Variants in SNRPD2 observed in about 807,000 individuals in gnomAD.
SNRPD2 encodes small nuclear ribonucleoprotein D2 polypeptide, also known as small nuclear ribonucleoprotein Sm D2.
Under a neutral mutation model 11.5 loss-of-function variants are expected in SNRPD2, and 1 was observed. The observed-to-expected ratio is 0.09, with a 90% confidence interval of 0.03 to 0.41. The LOEUF (loss-of-function observed/expected upper bound fraction) is 0.41, where lower values mean the gene tolerates loss of function less well. Among genes scored for constraint, SNRPD2 ranks in the 10% least tolerant of loss-of-function variants. SNRPD2 has a pLI of 0.98. For synonymous variants in SNRPD2, 63 were observed against 61.5 expected (o/e 1.02, Z -0.12); for missense variants, 77 against 154.9 (o/e 0.50, Z 2.67).
Position 45,691,947 on chromosome 19 carries a change from GA to G in SNRPD2, c.-60del, listed in dbSNP as rs1024008479. ...CCTCCGCGTTGCTGCTGCCTGAGGAGAGAGAGGCGGGACTTCCTCTTCCTGC... is the reference window on the plus strand; with the variant it reads ...CCTCCGCGTTGCTGCTGCCTGAGGAGGAGAGGCGGGACTTCCTCTTCCTGC... On this transcript the variant is annotated 5_prime_UTR_variant, in exon 1 of 3. Transcript: ENST00000342669. 339 of 1,613,914 alleles carry G rather than the reference GA, an allele frequency of 2.1e-4. 1 individual carries two copies. Among genetic ancestry groups the G allele is most frequent in the Admixed American group, 9.3e-4 (56 of 60,012 alleles).
rs889098547 is a variant in SNRPD2 at position 45,688,349 on chromosome 19, A to C, written c.182+38T>G. 12 of 1,594,746 alleles carry C rather than the reference A, an allele frequency of 7.5e-6. No homozygotes were observed. Among genetic ancestry groups the C allele is most frequent in the Middle Eastern group, 1.7e-4 (1 of 6,044 alleles). On this transcript the variant is annotated intron_variant, in intron 2 of 2. Transcript: ENST00000342669. This position sits in a 1 kb window ranked among gnomAD's most constrained non-coding sequence, Gnocchi z 4.1. ...AGACTGGAGCTGGAGTGGCCTCTCC[A>C]GGCCTGCGGAGAACACCTCCCAGGA...
At chr19:45,692,059 C>T (rs564342169), upstream of SNRPD2, 88 of 1,550,802 alleles carry the variant, frequency 5.7e-5, no homozygotes, top group African/African-American at 1.1e-3. Context: ...CAACGGTGCA[C>T]AATGATGGAA....
chr19:45,689,604 G>A (rs548187585), intron 1 of SNRPD2, among the ~76,000 whole-genome samples: 5 of 151,994 alleles, frequency 3.3e-5, no homozygotes, highest in African/African-American at 9.7e-5. Context: ...TCAGCTACTC[G>A]GGAGGTTAAA....
Position 45,687,887 on chromosome 19 carries a change from T to TAG in SNRPD2, c.183-162_183-161dup. The TAG allele has an allele frequency of 1.6e-6, 1 of 625,262 alleles. No individual in the cohort carries two copies. The highest frequency in any genetic ancestry group is 1.9e-5 in the South Asian group (1 of 53,054). The allele number at this position is 625,262 out of a possible 1,614,324, so 38.7% of individuals were successfully genotyped here. A position where few individuals can be genotyped will look rare whatever the true frequency, so the allele number is the denominator to read the frequency against. On this transcript the variant is annotated intron_variant, in intron 2 of 2. Coordinates refer to ENST00000342669, the MANE Select transcript of SNRPD2 (RefSeq NM_001384647.1). The surrounding 1 kb of genome is among the most constrained non-coding windows in gnomAD (Gnocchi z 4.1). ...CTGCCAAAGCAACTCTGCCAGTCCTTAGGTTGAGGCTGAGGCAAAGGACTG... is the reference window on the plus strand; with the variant it reads ...CTGCCAAAGCAACTCTGCCAGTCCTTAGAGGTTGAGGCTGAGGCAAAGGACTG...
At position 45,687,750 on chromosome 19, in the gene SNRPD2, G is replaced by C. The variant is rs77837925; in HGVS notation, c.183-23C>G. ...TGCCTGGTGGGGAACAGGGAGGGGAGGCACTGGGCGTGAGGGGCGTGCCTC... is the reference window on the plus strand; with the variant it reads ...TGCCTGGTGGGGAACAGGGAGGGGACGCACTGGGCGTGAGGGGCGTGCCTC... On this transcript the variant is annotated intron_variant, in intron 2 of 2. Transcript: ENST00000342669. This position sits in a 1 kb window ranked among gnomAD's most constrained non-coding sequence, Gnocchi z 4.1. The C allele has an allele frequency of 4.4e-3, 7,127 of 1,606,032 alleles. 305 individuals carry two copies. The African/African-American group carries it at 0.085, about 19-fold the overall frequency.
At chr19:45,691,851 C>T (rs908399354) in intron 1 of SNRPD2, 36 bp downstream of exon 1, 1 of 1,613,488 alleles carries the variant, frequency 6.2e-7, no homozygotes, top group Non-Finnish European at 8.5e-7. Context: ...CCACCCTCAA[C>T]CTCATTCCCG....
chr19:45,689,013 G>A lies in SNRPD2; in HGVS notation c.3-447C>T, dbSNP rs117084947. On this transcript the variant is annotated intron_variant, in intron 1 of 2. Coordinates refer to ENST00000342669, the MANE Select transcript of SNRPD2 (RefSeq NM_001384647.1). Reference sequence around the variant, plus strand: ...CTCCCAAAGTGCTGAGATTATAGGCGTGAGCCACCGTGCCCAGCCAGACAT... The same window carrying A: ...CTCCCAAAGTGCTGAGATTATAGGCATGAGCCACCGTGCCCAGCCAGACAT... Among the ~76,000 whole-genome samples the A allele has an allele frequency of 4.6e-4, 70 of 152,220 alleles. 1 individual carries two copies. The East Asian group carries it at 0.013, about 28-fold the overall frequency.
intron 1 of SNRPD2, among the ~76,000 whole-genome samples, chr19:45,689,627 C>G (rs1967487971): frequency 6.6e-6 from 1 of 152,222 alleles, no homozygotes; most frequent in Non-Finnish European, 1.5e-5. Flanking sequence ...AGAAGAATTG[C>G]TTGAACTCAG....
At position 45,687,579 on chromosome 19, in the gene SNRPD2, G is replaced by A; in HGVS notation, c.331C>T (p.Arg111Trp). 6 of 1,614,196 alleles carry A rather than the reference G, an allele frequency of 3.7e-6. No individual in the cohort carries two copies. Among genetic ancestry groups the A allele is most frequent in the African/African-American group, 1.3e-5 (1 of 75,060 alleles). Residue 111 changes from arginine (R) to tryptophan (W), a missense_variant, in exon 3 of 3, where the codon CGG becomes TGG. Arg to Trp is a moderately radical substitution (Grantham distance 101). Coordinates refer to ENST00000342669, the MANE Select transcript of SNRPD2 (RefSeq NM_001384647.1). This position sits in a 1 kb window ranked among gnomAD's most constrained non-coding sequence, Gnocchi z 4.1. ...LRGDSVIVVL[R>W]NPLIAGK The stretch of plus-strand genomic sequence containing the variant: ...TACTTGCCGGCGATGAGCGGGTTCC[G>A]CAGGACCACGATGACTGAGTCCCCG...
intron 1 of SNRPD2, chr19:45,691,622 T>C (rs1252372670): frequency 7.8e-6 from 4 of 511,734 alleles, no homozygotes; most frequent in Non-Finnish European, 1.1e-5. Context: ...TGCTCCGCCT[T>C]GGCCTACTAA....
In SNRPD2 at chr19:45,688,299, T is replaced by G; in HGVS notation, c.182+88A>C. The G allele has an allele frequency of 3.3e-6, 4 of 1,209,728 alleles. No homozygotes were observed. The highest frequency in any genetic ancestry group is 4.8e-6 in the Non-Finnish European group (4 of 839,992). 74.9% of individuals were successfully genotyped at this position (1,209,728 alleles called of 1,614,324 possible). On this transcript the variant is annotated intron_variant, in intron 2 of 2. Transcript: ENST00000342669. The surrounding 1 kb of genome is among the most constrained non-coding windows in gnomAD (Gnocchi z 4.1). The stretch of plus-strand genomic sequence containing the variant: ...CGCCTGGCCATACACCCCAGGCTTC[T>G]GAGACAGCTGTCTTTGAGCTCTTCA...
At chr19:45,689,194 C>T (rs1967479431) in intron 1 of SNRPD2, 3 of 519,966 alleles carry the variant, frequency 5.8e-6, no homozygotes, top group Middle Eastern at 3.2e-4. Context: ...TTTTCCCTCA[C>T]ATCCTACATG....
chr19:45,688,636 G>T lies in SNRPD2; in HGVS notation c.3-70C>A. ...TGAGAGGCTGGAGCTGTGAGGATGG[G>T]TGATCAGGGCCTTGGCTTCAGTGTC... is the stretch of plus-strand genomic sequence containing the variant. On this transcript the variant is annotated intron_variant, in intron 1 of 2. Transcript: ENST00000342669. This position sits in a 1 kb window ranked among gnomAD's most constrained non-coding sequence, Gnocchi z 4.1. 1 of 1,236,256 alleles carries T rather than the reference G, an allele frequency of 8.1e-7. No homozygotes were observed. Among genetic ancestry groups the T allele is most frequent in the Non-Finnish European group, 1.2e-6 (1 of 844,962 alleles). 76.6% of individuals were successfully genotyped at this position (1,236,256 alleles called of 1,614,324 possible). A position where few individuals can be genotyped will look rare whatever the true frequency, so the allele number is the denominator to read the frequency against.
In SNRPD2 at chr19:45,691,876, C is replaced by A. The variant is rs1433707089; in HGVS notation, c.2+11G>T. 2.5e-6 allele frequency: 4 copies of A among 1,614,016 alleles called. No individual in the cohort carries two copies. Among genetic ancestry groups the A allele is most frequent in the Non-Finnish European group, 3.4e-6 (4 of 1,179,998 alleles). ...CCTCATTCCCGCCGCCTAAGCCTAG[C>A]CCGGCCTCACATGATGGTCACTACG... On this transcript the variant is annotated intron_variant, in intron 1 of 2. Coordinates refer to ENST00000342669, the MANE Select transcript of SNRPD2 (RefSeq NM_001384647.1).
intron 1 of SNRPD2, among the ~76,000 whole-genome samples, chr19:45,690,831 CAAAA>C (rs34253731): frequency 3.4e-5 from 3 of 87,422 alleles, no homozygotes; most frequent in Non-Finnish European, 4.8e-5. Context: ...GGCTCCGTCT[CAAAA>C]AAAAAAAAAA....
Position 45,687,804 on chromosome 19 carries a change from G to T in SNRPD2, c.183-77C>A. On this transcript the variant is annotated intron_variant, in intron 2 of 2. Coordinates refer to ENST00000342669, the MANE Select transcript of SNRPD2 (RefSeq NM_001384647.1). This position sits in a 1 kb window ranked among gnomAD's most constrained non-coding sequence, Gnocchi z 4.1. ...CAGTGCCCCCTACTGCCTGCTGCTC[G>T]CCCCCTCCAGCAGCATGGCTTGGGG... 1 of 1,187,148 alleles carries T rather than the reference G, an allele frequency of 8.4e-7. No individual in the cohort carries two copies. The highest frequency in any genetic ancestry group is 1.2e-6 in the Non-Finnish European group (1 of 813,078). 73.5% of individuals were successfully genotyped at this position (1,187,148 alleles called of 1,614,324 possible).
rs763878455 is a variant in SNRPD2, at chr19:45,691,875, G to C, written c.2+12C>G. 1 of 1,613,962 alleles carries C rather than the reference G, an allele frequency of 6.2e-7. No homozygotes were observed. Among genetic ancestry groups the C allele is most frequent in the Non-Finnish European group, 8.5e-7 (1 of 1,179,950 alleles). On this transcript the variant is annotated intron_variant, in intron 1 of 2. Transcript: ENST00000342669. ...ACCTCATTCCCGCCGCCTAAGCCTA[G>C]CCCGGCCTCACATGATGGTCACTAC... is the stretch of plus-strand genomic sequence containing the variant.
chr19:45,692,297 C>T, upstream of SNRPD2: 1 of 369,284 alleles, frequency 2.7e-6, no homozygotes, highest in Non-Finnish European at 5.1e-6. Context: ...AGGCACCGCC[C>T]CTCTTCCCTC....
At chr19:45,691,767 G>T (rs1967562802) in intron 1 of SNRPD2, 120 bp downstream of exon 1, 3 of 1,239,086 alleles carry the variant, frequency 2.4e-6, no homozygotes, top group African/African-American at 1.5e-5. Context: ...AAAGCAGGAC[G>T]CTGCATCCCT....
Sources: allele counts gnomAD v4.1 joint callset (sites outside exome capture counted in the v4.1 genomes callset), GRCh38; gene constraint gnomAD v4.1.1; non-coding constraint Gnocchi (gnomAD v3.1); transcripts MANE v1.5; gene names NCBI Gene and HGNC (gene_info 2026-07-23, HGNC 2026-07-21).